The following MYO18B variants were observed in gnomAD, a reference collection of about 807,000 sequenced individuals.
MYO18B encodes unconventional myosin-XVIIIb.
MYO18B carries 204 observed loss-of-function variants against 273.0 expected under a neutral mutation model. The observed-to-expected ratio is 0.75, with a 90% CI of 0.67 to 0.84. The LOEUF (loss-of-function observed/expected upper bound fraction) is 0.84, where lower values mean the gene tolerates loss of function less well. MYO18B is among the 40% of genes least tolerant of loss of function. The pLI, the probability that MYO18B is intolerant of heterozygous loss-of-function variation, is 0.00. For synonymous variants in MYO18B, 1,330 were observed against 1,305.7 expected (o/e 1.02, Z -0.40); for missense variants, 3,212 against 3,287.6 (o/e 0.98, Z 0.56).
Position 25,851,660 on chromosome 22 carries a change from G to A in MYO18B, c.3885+81G>A, listed in dbSNP as rs181436153. On this transcript the variant is annotated intron_variant, in intron 21 of 43. Transcript: ENST00000335473. ...TTGGACATGTTCCAAGGCTGGGCAC[G>A]GTGAGTGGCTCATGCCTGTAATCTC... is the stretch of plus-strand genomic sequence containing the variant. 396 of 1,033,400 alleles carry A rather than the reference G, an allele frequency of 3.8e-4. 1 individual carries two copies. The highest frequency in any genetic ancestry group is 8.1e-4 in the Middle Eastern group (4 of 4,926). 64.0% of individuals were successfully genotyped at this position (1,033,400 alleles called of 1,614,324 possible).
chr22:25,774,712 G>A (rs757858073), intron 7 of MYO18B, among the ~76,000 whole-genome samples: 1 of 152,212 alleles, frequency 6.6e-6, no homozygotes, highest in Non-Finnish European at 1.5e-5. Context: ...ACAGGCCTGC[G>A]GTGAGGCTGA....
At position 25,986,620 on chromosome 22, in the gene MYO18B, T is replaced by C. The variant is rs16981137; in HGVS notation, c.6157-5743T>C. On this transcript the variant is annotated intron_variant, in intron 39 of 43. Transcript: ENST00000335473. ...ACGTATTTATTATGTTCAAGGTTTG[T>C]TAAACATTTAAGGATATGAAAATAC... Among the ~76,000 whole-genome samples the C allele has an allele frequency of 5.1e-3, 770 of 152,350 alleles. 5 individuals carry two copies. The highest frequency in any genetic ancestry group is 0.017 in the African/African-American group (714 of 41,566).
At chr22:26,031,153 T>G, downstream of MYO18B, 1 of 386,900 alleles carries the variant, frequency 2.6e-6, no homozygotes, top group Non-Finnish European at 4.6e-6. Flanking sequence ...AGCATATGTG[T>G]GCCCACATTT....
chr22:25,948,431 C>CT (rs2092742759), intron 36 of MYO18B, among the ~76,000 whole-genome samples: 6 of 124,090 alleles, frequency 4.8e-5, no homozygotes, highest in South Asian at 2.6e-4. Flanking sequence ...TCCTTCCTTC[C>CT]TTCCTTCCTT....
chr22:25,752,844 C>T (rs531174180), intron 1 of MYO18B, among the ~76,000 whole-genome samples: 1 of 152,246 alleles, frequency 6.6e-6, no homozygotes, highest in Non-Finnish European at 1.5e-5. Context: ...GGGACGCAGG[C>T]GGGAACCGGG....
In MYO18B at chr22:26,026,638, G is replaced by T. The variant is rs1374817791; in HGVS notation, c.6664G>T (p.Glu2222Ter). ...CCAGAGAAAGTCCACAGAGAGATTA[G>T]AACCTGCTTCCTCTCCCCTGGCTTC... is the stretch of plus-strand genomic sequence containing the variant. ...AVQRKSTERL[E>*]PASSPLASRS... The change falls in exon 43 of 44, where the codon GAA becomes TAA. Residue 2222 changes from glutamate to a stop codon, truncating the protein, a stop_gained. Coordinates refer to ENST00000335473, the MANE Select transcript of MYO18B (RefSeq NM_032608.7). LOFTEE classifies it high-confidence loss of function. 2 of 1,613,258 alleles carry T rather than the reference G, an allele frequency of 1.2e-6. No individual in the cohort carries two copies. Among genetic ancestry groups the T allele is most frequent in the African/African-American group, 2.7e-5 (2 of 74,904 alleles).
the MYO18B span, among the ~76,000 whole-genome samples, chr22:26,055,994 G>A: frequency 6.6e-6 from 1 of 151,938 alleles, no homozygotes; most frequent in Non-Finnish European, 1.5e-5. Context: ...CTGATTGATA[G>A]CAGACTTGGA....
intron 3 of MYO18B, among the ~76,000 whole-genome samples, chr22:25,767,191 T>G (rs1477194867): frequency 2.6e-5 from 4 of 152,218 alleles, no homozygotes; most frequent in African/African-American, 9.7e-5. Context: ...TGTGAGCTCT[T>G]CAGGCCATAG....
chr22:25,811,358 A>C (rs1260030898), intron 12 of MYO18B, among the ~76,000 whole-genome samples: 2 of 152,084 alleles, frequency 1.3e-5, no homozygotes, highest in African/African-American at 4.8e-5. Context: ...TAATTATGCA[A>C]TCCCAGGAAA....
At chr22:26,015,976 G>A (rs2146965598) in intron 42 of MYO18B, among the ~76,000 whole-genome samples, 1 of 152,226 alleles carries the variant, frequency 6.6e-6, no homozygotes, top group Admixed American at 6.5e-5. Context: ...AAATGATTCA[G>A]GATGGACGCA....
chr22:25,812,094 C>T (rs1053550024), intron 12 of MYO18B, among the ~76,000 whole-genome samples: 1 of 151,598 alleles, frequency 6.6e-6, no homozygotes, highest in Non-Finnish European at 1.5e-5. Context: ...GCTGGACTCT[C>T]TGTCTGCCAT....
intron 21 of MYO18B, among the ~76,000 whole-genome samples, chr22:25,861,927 G>A (rs1204324625): frequency 1.3e-5 from 2 of 152,068 alleles, no homozygotes; most frequent in East Asian, 1.9e-4. Context: ...GTAATACACA[G>A]TCCACCCTCC....
At chr22:26,049,931 A>G in the MYO18B span, among the ~76,000 whole-genome samples, 6 of 152,366 alleles carry the variant, frequency 3.9e-5, no homozygotes, top group South Asian at 8.3e-4. Flanking sequence ...TGCACTGCAA[A>G]GTCAAAATGT....
intron 17 of MYO18B, among the ~76,000 whole-genome samples, chr22:25,840,550 G>T (rs2090053205): frequency 6.6e-6 from 1 of 152,280 alleles, no homozygotes; most frequent in African/African-American, 2.4e-5. Context: ...ACAGGGGCGA[G>T]GCTGGTCACC....
At chr22:25,796,956 G>A (rs1377184262) in intron 11 of MYO18B, among the ~76,000 whole-genome samples, 5 of 152,004 alleles carry the variant, frequency 3.3e-5, no homozygotes, top group African/African-American at 1.2e-4. Context: ...CAGACGGCGT[G>A]GTGGCTCACG....
chr22:25,833,907 G>A (rs2089804115), intron 16 of MYO18B, among the ~76,000 whole-genome samples: 1 of 152,102 alleles, frequency 6.6e-6, no homozygotes, highest in African/African-American at 2.4e-5. Context: ...CTTTCTCTTG[G>A]CACACAGTGG....
chr22:25,795,804 T>A (rs1404467830), intron 11 of MYO18B, among the ~76,000 whole-genome samples: 1 of 152,104 alleles, frequency 6.6e-6, no homozygotes, highest in Non-Finnish European at 1.5e-5. Flanking sequence ...GTCGTCCCAA[T>A]TGGTTGATGA....
rs535150831 is a variant in MYO18B, at chr22:25,998,593, C to T, written c.6288-4672C>T. ...GACAAGTGGAAAGATCTGGGTCTAA[C>T]GGAAGATTCTGGTTGCTACTGAGGG... On this transcript the variant is annotated intron_variant, in intron 40 of 43. Coordinates refer to ENST00000335473, the MANE Select transcript of MYO18B (RefSeq NM_032608.7). 1.6e-4 allele frequency among the ~76,000 whole-genome samples: 25 copies of T among 152,246 alleles called. No homozygotes were observed. The East Asian group carries it at 1.9e-3, about 12-fold the overall frequency.
chr22:25,925,777 T>C (rs967963201), intron 34 of MYO18B, among the ~76,000 whole-genome samples: 2 of 149,858 alleles, frequency 1.3e-5, no homozygotes, highest in Admixed American at 6.7e-5. Flanking sequence ...TGGTGGTGCA[T>C]GACTGTAATC....
Sources: allele counts gnomAD v4.1 joint callset (sites outside exome capture counted in the v4.1 genomes callset), GRCh38; gene constraint gnomAD v4.1.1; transcripts MANE v1.5; gene names NCBI Gene and HGNC (gene_info 2026-07-23, HGNC 2026-07-21).